The following PPP2R3A variants were observed in gnomAD, a reference collection of about 807,000 sequenced individuals.
PPP2R3A encodes serine/threonine-protein phosphatase 2A regulatory subunit B'' subunit alpha.
Under a neutral mutation model 106.9 loss-of-function variants are expected in PPP2R3A, and 80 were observed. The observed-to-expected ratio is 0.75, with a 90% CI of 0.62 to 0.90. The LOEUF (loss-of-function observed/expected upper bound fraction) is 0.90, where lower values mean the gene tolerates loss of function less well. Among genes scored for constraint, PPP2R3A ranks in the 40% least tolerant of loss-of-function variants. The pLI is 0.00. For synonymous variants in PPP2R3A, 483 were observed against 468.3 expected (o/e 1.03, Z -0.41); for missense variants, 1,386 against 1,350.4 (o/e 1.03, Z -0.41).
intron 5 of PPP2R3A, among the ~76,000 whole-genome samples, chr3:136,049,991 G>A (rs1395095511): frequency 2.0e-5 from 3 of 152,162 alleles, no homozygotes; most frequent in Non-Finnish European, 4.4e-5. Flanking sequence ...AGTGAGGAGA[G>A]TAAGAAACAC....
chr3:136,010,812 A>G (rs1251478552), intron 2 of PPP2R3A, among the ~76,000 whole-genome samples: 1 of 152,074 alleles, frequency 6.6e-6, no homozygotes, highest in Non-Finnish European at 1.5e-5. Context: ...ACTCCTGCAG[A>G]GATTGACCCA....
At chr3:136,139,324 G>A (rs1221181231) in intron 13 of PPP2R3A, among the ~76,000 whole-genome samples, 2 of 152,166 alleles carry the variant, frequency 1.3e-5, no homozygotes, top group African/African-American at 4.8e-5. Flanking sequence ...AGGGAAGTAA[G>A]TTTCTAAAGG....
intron 2 of PPP2R3A, among the ~76,000 whole-genome samples, chr3:136,025,464 G>T (rs1030396031): frequency 6.6e-6 from 1 of 151,934 alleles, no homozygotes; most frequent in Non-Finnish European, 1.5e-5. Context: ...TCCATTCTGT[G>T]TATTAATGTC....
rs752253703 is a variant in PPP2R3A at position 136,003,456 on chromosome 3, C to T, written c.1958C>T (p.Ser653Leu). The T allele has an allele frequency of 2.5e-6, 4 of 1,612,904 alleles. No homozygotes were observed. The highest frequency in any genetic ancestry group is 2.2e-5 in the South Asian group (2 of 90,808). ...GGTGATAAAGCCAAAGATACTACTT[C>T]AGCAGTTTTGATTCAGCAGACTCCA... The part of the protein sequence containing the change: ...PVGDKAKDTT[S>L]AVLIQQTPEV... The change falls in exon 2 of 14, where the codon TCA becomes TTA. Residue 653 changes from serine (S) to leucine (L), a missense_variant. Physicochemically the swap from Ser to Leu is moderately radical, Grantham distance 145. Transcript: ENST00000264977.
chr3:136,127,895 T>C lies in PPP2R3A; in HGVS notation c.3330-17148T>C, dbSNP rs962575122. On this transcript the variant is annotated intron_variant, in intron 13 of 13. Coordinates refer to ENST00000264977, the MANE Select transcript of PPP2R3A (RefSeq NM_002718.5). ...AAGAAAAGAATTTTCAACCCAGAAT[T>C]TCATATCCAGCCAAACTAAGCTTCA... Among the ~76,000 whole-genome samples, 7 of 152,114 alleles carry C rather than the reference T, an allele frequency of 4.6e-5. No homozygotes were observed. In the South Asian group the frequency reaches 1.2e-3, roughly 27 times the overall value.
At chr3:136,079,942 C>T (rs1451024225) in intron 7 of PPP2R3A, among the ~76,000 whole-genome samples, 1 of 152,108 alleles carries the variant, frequency 6.6e-6, no homozygotes, top group Non-Finnish European at 1.5e-5. Context: ...AAACAATACT[C>T]ATAAAACATT....
intron 13 of PPP2R3A, among the ~76,000 whole-genome samples, chr3:136,127,036 G>A (rs913765632): frequency 2.6e-5 from 4 of 152,168 alleles, no homozygotes; most frequent in Non-Finnish European, 5.9e-5. Context: ...ACCAAAGGTA[G>A]ATAAAACCAC....
chr3:136,103,830 A>G (rs1937444978), intron 12 of PPP2R3A, among the ~76,000 whole-genome samples: 1 of 152,224 alleles, frequency 6.6e-6, no homozygotes, highest in African/African-American at 2.4e-5. Flanking sequence ...TTCAAATAAT[A>G]TAACGCCTTT....
chr3:136,133,798 A>G (rs1938506813), intron 13 of PPP2R3A, among the ~76,000 whole-genome samples: 1 of 149,326 alleles, frequency 6.7e-6, no homozygotes, highest in South Asian at 2.1e-4. Context: ...ATTTTTAAAT[A>G]TATGTATTTT....
chr3:136,057,129 C>G (rs1935895669), intron 5 of PPP2R3A, among the ~76,000 whole-genome samples: 1 of 151,958 alleles, frequency 6.6e-6, no homozygotes, highest in Non-Finnish European at 1.5e-5. Context: ...TGGAGAATAG[C>G]TGGAGGCATC....
At chr3:136,079,245 ATT>A (rs1936701516) in intron 7 of PPP2R3A, 1 of 446,428 alleles carries the variant, frequency 2.2e-6, no homozygotes, top group Non-Finnish European at 4.5e-6. Context: ...CAGTGTTGAT[ATT>A]TATTGAACAC....
intron 1 of PPP2R3A, among the ~76,000 whole-genome samples, chr3:135,999,048 T>G (rs1933514111): frequency 6.6e-6 from 1 of 152,214 alleles, no homozygotes; most frequent in South Asian, 2.1e-4. Context: ...TGCTTGCTTC[T>G]GTCACTGCCC....
intron 2 of PPP2R3A, among the ~76,000 whole-genome samples, chr3:136,009,333 A>G (rs933442073): frequency 3.9e-5 from 6 of 151,930 alleles, no homozygotes; most frequent in Non-Finnish European, 7.4e-5. Flanking sequence ...TTGAACTAAT[A>G]CCATTAGACT....
At position 135,995,897 on chromosome 3, in the gene PPP2R3A, A is replaced by C. The variant is rs148033544; in HGVS notation, c.-440-5162A>C. Among the ~76,000 whole-genome samples the C allele has an allele frequency of 4.7e-3, 723 of 152,284 alleles. 2 individuals are homozygous for C. Among genetic ancestry groups the C allele is most frequent in the Middle Eastern group, 0.02 (6 of 294 alleles). ...TTCAGACTCTTTAAAATCACTTTTC[A>C]ATTTAGAGCCACCGATGTTTATACT... On this transcript the variant is annotated intron_variant, in intron 1 of 13. Coordinates refer to ENST00000264977, the MANE Select transcript of PPP2R3A (RefSeq NM_002718.5).
rs779593997 is a variant in PPP2R3A at position 136,097,765 on chromosome 3, T to A, written c.2928-4242T>A. On this transcript the variant is annotated intron_variant, in intron 10 of 13. Transcript: ENST00000264977. ...AGGAATTTCAAGACACAAAGAGATC[T>A]TAGAGGCCAGAGGCCACTCCCCTGC... Among the ~76,000 whole-genome samples the A allele has an allele frequency of 1.2e-3, 187 of 152,180 alleles. 1 individual carries two copies. Among genetic ancestry groups the A allele is most frequent in the Non-Finnish European group, 3.5e-4 (24 of 68,024 alleles).
In PPP2R3A at chr3:136,049,378, T is replaced by C; in HGVS notation, c.2469+17T>C. ...CTACTTCAGGTAATTTTCATCTCCTTTTGAAAATGGGTTCTAATTTTGGAG... is the reference window on the plus strand; with the variant it reads ...CTACTTCAGGTAATTTTCATCTCCTCTTGAAAATGGGTTCTAATTTTGGAG... On this transcript the variant is annotated intron_variant, in intron 5 of 13. Coordinates refer to ENST00000264977, the MANE Select transcript of PPP2R3A (RefSeq NM_002718.5). 1 of 1,562,048 alleles carries C rather than the reference T, an allele frequency of 6.4e-7. No homozygotes were observed.
At chr3:136,037,949 AAAAC>A (rs1461589874) in intron 3 of PPP2R3A, among the ~76,000 whole-genome samples, 5 of 152,166 alleles carry the variant, frequency 3.3e-5, no homozygotes, top group Middle Eastern at 3.4e-3. Context: ...TGTAAAAAAA[AAAAC>A]AAAAACAAAA....
At position 136,001,687 on chromosome 3, in the gene PPP2R3A, CA is replaced by C; in HGVS notation, c.192del (p.Asp65MetfsTer4). The part of the protein sequence containing the change: ...DLLHIPVSQF[K>X]DADLNSMFLP... Reference sequence around the variant, plus strand: ...TCTTGCACATCCCTGTGTCTCAGTTCAAAGATGCAGATCTGAACTCTATGTT... The same window carrying C: ...TCTTGCACATCCCTGTGTCTCAGTTCAAGATGCAGATCTGAACTCTATGTT... On this transcript the variant is annotated frameshift_variant, in exon 2 of 14. Transcript: ENST00000264977. LOFTEE classifies it high-confidence loss of function. 6.2e-7 allele frequency: 1 copy of C among 1,614,120 alleles called. No individual in the cohort carries two copies. Among genetic ancestry groups the C allele is most frequent in the Non-Finnish European group, 8.5e-7 (1 of 1,180,006 alleles).
chr3:136,051,422 T>C (rs1935683243), intron 5 of PPP2R3A, among the ~76,000 whole-genome samples: 1 of 152,170 alleles, frequency 6.6e-6, no homozygotes, highest in Non-Finnish European at 1.5e-5. Flanking sequence ...CTCCGCCTCC[T>C]GGGTTCAATT....
Sources: gnomAD v4.1 joint callset for allele counts (sites outside exome capture counted in the v4.1 genomes callset) on GRCh38, gnomAD v4.1.1 for gene constraint, MANE v1.5 for transcripts, NCBI Gene and HGNC (gene_info 2026-07-23, HGNC 2026-07-21) for gene names.